ADGRB3: variants seen among roughly 807,000 people sequenced by gnomAD.
The protein encoded by ADGRB3 is adhesion G protein-coupled receptor B3.
ADGRB3 carries 37 observed loss-of-function variants against 193.4 expected under a neutral mutation model. That is an observed-to-expected ratio of 0.19 (90% CI 0.15 to 0.25). The LOEUF is 0.25. Ranked by LOEUF, ADGRB3 falls within the 10% of genes least tolerant of loss-of-function variation. The probability of loss-of-function intolerance (pLI) is 1.00; values close to 1 mark genes in which losing one functional copy is unlikely to be tolerated. For synonymous variants in ADGRB3, 690 were observed against 644.2 expected, an observed-to-expected ratio of 1.07 and a Z score of -1.08; for missense variants, 1,637 against 1,852.9, an observed-to-expected ratio of 0.88 and a Z score of 2.14.
intron 3 of ADGRB3, among the ~76,000 whole-genome samples, chr6:68,754,418 T>C (rs1434242143): frequency 6.6e-6 from 1 of 152,230 alleles, no homozygotes; most frequent in Admixed American, 6.5e-5. Flanking sequence ...TCTTGTTTAC[T>C]ATCATAACAT....
intron 3 of ADGRB3, among the ~76,000 whole-genome samples, chr6:68,845,173 T>G (rs557076808): frequency 6.6e-6 from 1 of 152,208 alleles, no homozygotes; most frequent in African/African-American, 2.4e-5. Flanking sequence ...CTTAGCATGA[T>G]GTGACTATTA....
rs778594060 is a variant in ADGRB3 at position 69,339,476 on chromosome 6, T to C, written c.3431T>C (p.Val1144Ala). ...VFDSLQGFVI[V>A]MVHCILRREV... is the part of the protein sequence containing the mutation. The stretch of plus-strand genomic sequence containing the variant: ...GATTCATTGCAAGGCTTTGTTATAG[T>C]CATGGTCCACTGCATTCTTCGGAGA... The change falls in exon 26 of 32, where the codon GTC becomes GCC. Residue 1144 changes from valine (V) to alanine (A), a missense_variant. Val to Ala is a moderately conservative substitution (Grantham distance 64, BLOSUM62 0). Transcript: ENST00000370598. The C allele has an allele frequency of 6.2e-7, 1 of 1,613,942 alleles. No individual in the cohort carries two copies. The highest frequency in any genetic ancestry group is 8.5e-7 in the Non-Finnish European group (1 of 1,179,826).
chr6:69,388,256 C>A (rs968359557), intron 31 of ADGRB3, among the ~76,000 whole-genome samples: 1 of 152,080 alleles, frequency 6.6e-6, no homozygotes, highest in Non-Finnish European at 1.5e-5. Context: ...AATTCTGTTA[C>A]CTTGAGTAAC....
At chr6:68,688,352 G>C (rs1765017497) in intron 3 of ADGRB3, among the ~76,000 whole-genome samples, 1 of 151,910 alleles carries the variant, frequency 6.6e-6, no homozygotes, top group East Asian at 1.9e-4. Flanking sequence ...AATGTTTAAA[G>C]ATTTTATTTT....
intron 17 of ADGRB3, among the ~76,000 whole-genome samples, chr6:69,160,358 G>A (rs1220042064): frequency 6.6e-6 from 1 of 151,906 alleles, no homozygotes; most frequent in Non-Finnish European, 1.5e-5. Context: ...CTCAACTCAA[G>A]CCACACATGT....
intron 31 of ADGRB3, 131 bp from the exon 32 acceptor site, chr6:69,388,572 C>T: frequency 8.7e-6 from 7 of 800,528 alleles, no homozygotes; most frequent in Non-Finnish European, 1.2e-5. Context: ...CACAGTTGGC[C>T]GTATTTTCAA....
At chr6:69,109,659 T>C (rs1170897747) in intron 17 of ADGRB3, among the ~76,000 whole-genome samples, 1 of 151,128 alleles carries the variant, frequency 6.6e-6, no homozygotes, top group Non-Finnish European at 1.5e-5. Flanking sequence ...TCCTCCAAGA[T>C]TGTCTGATGG....
At chr6:69,108,398 T>C (rs2150324549) in intron 17 of ADGRB3, among the ~76,000 whole-genome samples, 1 of 144,904 alleles carries the variant, frequency 6.9e-6, no homozygotes, top group Admixed American at 6.9e-5. Context: ...TTTTTTTTTT[T>C]TTTCCAAATC....
At chr6:69,117,260 A>G (rs1366348313) in intron 17 of ADGRB3, among the ~76,000 whole-genome samples, 2 of 152,252 alleles carry the variant, frequency 1.3e-5, no homozygotes, top group Non-Finnish European at 2.9e-5. Context: ...TGTCATTAAT[A>G]TAGTTGCTTG....
intron 3 of ADGRB3, among the ~76,000 whole-genome samples, chr6:68,757,183 T>G (rs540745735): frequency 6.6e-6 from 1 of 152,258 alleles, no homozygotes; most frequent in African/African-American, 2.4e-5. Context: ...TTTCTGAGCA[T>G]AAGCTTTTTT....
At chr6:69,344,718 C>T (rs1409866409) in intron 26 of ADGRB3, among the ~76,000 whole-genome samples, 1 of 152,122 alleles carries the variant, frequency 6.6e-6, no homozygotes, top group African/African-American at 2.4e-5. Flanking sequence ...TCTGTGCCTT[C>T]CTTTACTGCA....
At position 68,700,279 on chromosome 6, in the gene ADGRB3, G is replaced by A. The variant is rs78242472; in HGVS notation, c.757+60847G>A. On this transcript the variant is annotated intron_variant, in intron 3 of 31. Coordinates refer to ENST00000370598, the MANE Select transcript of ADGRB3 (RefSeq NM_001704.3). The stretch of plus-strand genomic sequence containing the variant: ...CTTTAAGAAGGCATTAAATAAGTAT[G>A]CTATCAAATATTTATACTCCTTAAG... 5.1e-3 allele frequency among the ~76,000 whole-genome samples: 775 copies of A among 152,146 alleles called. 13 individuals are homozygous for A. In the East Asian group the frequency reaches 0.08, roughly 16 times the overall value.
chr6:68,942,415 T>G (rs558348133), intron 5 of ADGRB3, among the ~76,000 whole-genome samples: 32 of 152,296 alleles, frequency 2.1e-4, no homozygotes, highest in South Asian at 6.2e-4. Flanking sequence ...ATCAAACATC[T>G]GGCCTTTTGA....
chr6:69,118,021 A>G (rs1466341036), intron 17 of ADGRB3, among the ~76,000 whole-genome samples: 4 of 152,314 alleles, frequency 2.6e-5, no homozygotes, highest in African/African-American at 9.6e-5. Context: ...ATAACAGCAT[A>G]ATTAACACTT....
chr6:68,893,894 C>G (rs1363260215), intron 3 of ADGRB3, among the ~76,000 whole-genome samples: 2 of 151,838 alleles, frequency 1.3e-5, no homozygotes, highest in African/African-American at 4.8e-5. Context: ...TCCTCAAATA[C>G]TTAATCTGGT....
At chr6:69,233,959 T>C (rs1359736792) in intron 18 of ADGRB3, among the ~76,000 whole-genome samples, 5 of 152,170 alleles carry the variant, frequency 3.3e-5, no homozygotes, top group Admixed American at 2.0e-4. Flanking sequence ...TAATAGTATA[T>C]AGTTTTTCAA....
intron 3 of ADGRB3, among the ~76,000 whole-genome samples, chr6:68,884,083 C>G (rs1469850179): frequency 6.6e-6 from 1 of 152,216 alleles, no homozygotes. Flanking sequence ...TGAGCTCCTT[C>G]TCTCTCTTGC....
At chr6:69,212,276 A>G (rs1765683651) in intron 17 of ADGRB3, among the ~76,000 whole-genome samples, 1 of 152,164 alleles carries the variant, frequency 6.6e-6, no homozygotes, top group African/African-American at 2.4e-5. Flanking sequence ...TTGTGAATAC[A>G]TAAATCACAC....
At chr6:68,646,017 G>T (rs1034594187) in intron 3 of ADGRB3, among the ~76,000 whole-genome samples, 2 of 151,916 alleles carry the variant, frequency 1.3e-5, no homozygotes, top group African/African-American at 4.8e-5. Context: ...TCAGTTTCTG[G>T]TAGATCAAAA....
Sources: allele counts gnomAD v4.1 joint callset (sites outside exome capture counted in the v4.1 genomes callset), GRCh38; gene constraint gnomAD v4.1.1; transcripts MANE v1.5; gene names NCBI Gene and HGNC (gene_info 2026-07-23, HGNC 2026-07-21).